The following RASEF variants were observed in gnomAD, a reference collection of about 807,000 sequenced individuals.
The protein encoded by RASEF is RAS and EF-hand domain containing.
In RASEF, 68 loss-of-function variants were observed where a neutral mutation model predicts 90.1. The ratio of observed to expected loss-of-function variants is 0.75; its 90% confidence interval spans 0.62 to 0.92. The LOEUF is 0.92. Among genes scored for constraint, RASEF ranks in the 40% least tolerant of loss-of-function variants. The pLI is 0.00. For synonymous variants in RASEF, 331 were observed against 345.2 expected, an observed-to-expected ratio of 0.96 and a Z score of 0.46; for missense variants, 949 against 937.2, an observed-to-expected ratio of 1.01 and a Z score of -0.16.
intron 15 of RASEF, 71 bp downstream of exon 15, chr9:82,992,835 T>C: frequency 6.5e-7 from 1 of 1,527,760 alleles, no homozygotes; most frequent in Non-Finnish European, 8.9e-7. Context: ...TAGACAAAAG[T>C]GAAAGGCCAC....
the RASEF span, among the ~76,000 whole-genome samples, chr9:83,154,984 C>T: frequency 6.6e-6 from 1 of 152,204 alleles, no homozygotes; most frequent in Non-Finnish European, 1.5e-5. Flanking sequence ...GCCTCATCTA[C>T]CAGCCTGCTG....
chr9:83,166,722 A>G, the RASEF span, among the ~76,000 whole-genome samples: 1 of 152,172 alleles, frequency 6.6e-6, no homozygotes, highest in Non-Finnish European at 1.5e-5. Flanking sequence ...TTATTTAGCT[A>G]GTGCAAAGCA....
the RASEF span, among the ~76,000 whole-genome samples, chr9:83,133,872 T>A: frequency 6.6e-6 from 1 of 152,124 alleles, no homozygotes. Context: ...CAAATTGAGT[T>A]CCACCAATTC....
the RASEF span, among the ~76,000 whole-genome samples, chr9:83,181,975 C>T: frequency 9.2e-5 from 14 of 152,166 alleles, no homozygotes; most frequent in African/African-American, 3.4e-4. Context: ...GCACAAGTTC[C>T]CTCTTTCCAG....
At chr9:83,150,232 C>T in the RASEF span, among the ~76,000 whole-genome samples, 31 of 152,158 alleles carry the variant, frequency 2.0e-4, no homozygotes, top group African/African-American at 7.5e-4. Flanking sequence ...AGGTGCCACC[C>T]TCCAAATCCA....
chr9:83,148,507 A>T, the RASEF span, among the ~76,000 whole-genome samples: 1 of 152,142 alleles, frequency 6.6e-6, no homozygotes, highest in Non-Finnish European at 1.5e-5. Context: ...CTAACAAACC[A>T]CAGGATGGGA....
At chr9:83,113,281 T>C in the RASEF span, among the ~76,000 whole-genome samples, 1 of 152,222 alleles carries the variant, frequency 6.6e-6, no homozygotes, top group Non-Finnish European at 1.5e-5. Flanking sequence ...AATAATACTC[T>C]TATAATTTCT....
At chr9:83,144,331 GAAA>G in the RASEF span, among the ~76,000 whole-genome samples, 588 of 38,466 alleles carry the variant, frequency 0.015, 28 homozygotes, top group Middle Eastern at 0.043. Context: ...AAGAAGGAAA[GAAA>G]GAAAGAAAGA....
the RASEF span, among the ~76,000 whole-genome samples, chr9:83,207,264 G>A: frequency 0.36 from 54,116 of 152,000 alleles, 11,650 homozygotes; most frequent in Middle Eastern, 0.53. Context: ...CCTTCACACC[G>A]GTTGTGAAAA....
At chr9:83,080,148 G>C in the RASEF span, among the ~76,000 whole-genome samples, 1 of 152,180 alleles carries the variant, frequency 6.6e-6, no homozygotes, top group Non-Finnish European at 1.5e-5. Context: ...AAACTCTTCT[G>C]TTAGGCTAGT....
the RASEF span, among the ~76,000 whole-genome samples, chr9:83,135,248 C>A: frequency 6.6e-6 from 1 of 151,674 alleles, no homozygotes; most frequent in Non-Finnish European, 1.5e-5. Context: ...ATCTCAAAGA[C>A]AAAAAACCAA....
In RASEF at chr9:83,000,151, C is replaced by T. The variant is rs577622126; in HGVS notation, c.1723+18G>A. 5.0e-5 allele frequency: 80 copies of T among 1,607,962 alleles called. 3 individuals are homozygous for T. The Middle Eastern group carries it at 2.8e-3, about 57-fold the overall frequency. On this transcript the variant is annotated intron_variant, in intron 12 of 16. Coordinates refer to ENST00000376447, the MANE Select transcript of RASEF (RefSeq NM_152573.4). ...AGGAAGGTCATTTTCCCATTATCAA[C>T]CGAAATACGAGCCATACCCAGGGTG...
chr9:83,184,661 A>G, the RASEF span, among the ~76,000 whole-genome samples: 997 of 124,628 alleles, frequency 8.0e-3, 7 homozygotes, highest in Admixed American at 0.014. Context: ...GACCAAATTC[A>G]CTTTGAACTG....
chr9:83,151,888 T>C, the RASEF span, among the ~76,000 whole-genome samples: 1 of 152,034 alleles, frequency 6.6e-6, no homozygotes, highest in East Asian at 1.9e-4. Context: ...CCTCTAGATA[T>C]AGATTATTTT....
At chr9:83,168,521 A>C in the RASEF span, among the ~76,000 whole-genome samples, 1 of 152,178 alleles carries the variant, frequency 6.6e-6, no homozygotes, top group Admixed American at 6.6e-5. Flanking sequence ...CAAAGTGAAG[A>C]GACAACCTAT....
At chr9:83,117,188 TC>T in the RASEF span, among the ~76,000 whole-genome samples, 1 of 152,186 alleles carries the variant, frequency 6.6e-6, no homozygotes. Context: ...AATTAGATTT[TC>T]CCAGACTGAT....
Position 83,000,435 on chromosome 9 carries a change from G to C in RASEF, c.1573C>G (p.Gln525Glu), listed in dbSNP as rs1829008830. ...SRKPISALSP[Q>E]TDLVDDNAKS... ...GGAGTGTCTCGGAGACCACCTACCT[G>C]GGGCGAGAGTGCTGAGATGGGCTTT... is the stretch of plus-strand genomic sequence containing the variant. Residue 525 changes from glutamine to glutamate, a missense_variant and splice_region_variant, in exon 11 of 17, where the codon CAG (glutamine) becomes GAG (glutamate). Coordinates refer to ENST00000376447, the MANE Select transcript of RASEF (RefSeq NM_152573.4). 1.2e-6 allele frequency: 2 copies of C among 1,613,618 alleles called. No homozygotes were observed. Among genetic ancestry groups the C allele is most frequent in the African/African-American group, 2.7e-5 (2 of 74,878 alleles).
chr9:83,029,658 A>G lies in RASEF; in HGVS notation c.432-3737T>C, dbSNP rs546507897. 3.4e-5 allele frequency among the ~76,000 whole-genome samples: 5 copies of G among 148,368 alleles called. No homozygotes were observed. The South Asian group carries it at 6.4e-4, about 19-fold the overall frequency. On this transcript the variant is annotated intron_variant, in intron 1 of 16. Coordinates refer to ENST00000376447, the MANE Select transcript of RASEF (RefSeq NM_152573.4). ...ACTCCTGACCTCAGGTGATCCACCC[A>G]CCTCGCCCTCCCAAAGTGCTGGGAT...
chr9:83,170,182 C>T, the RASEF span, among the ~76,000 whole-genome samples: 1 of 151,930 alleles, frequency 6.6e-6, no homozygotes, highest in Non-Finnish European at 1.5e-5. Context: ...ATTGAAGAGA[C>T]TGTGCTTTCC....
Sources: gnomAD v4.1 joint callset for allele counts (sites outside exome capture counted in the v4.1 genomes callset) on GRCh38, gnomAD v4.1.1 for gene constraint, MANE v1.5 for transcripts, NCBI Gene and HGNC (gene_info 2026-07-23, HGNC 2026-07-21) for gene names.